MCU: variants seen among roughly 807,000 people sequenced by gnomAD.
The protein encoded by MCU is calcium uniporter protein, mitochondrial.
MCU carries 12 observed loss-of-function variants against 45.2 expected under a neutral mutation model. The observed-to-expected ratio is 0.27, with a 90% CI of 0.17 to 0.43. The LOEUF (loss-of-function observed/expected upper bound fraction) is 0.43. Ranked by LOEUF, MCU falls within the 20% of genes least tolerant of loss-of-function variation. MCU has a pLI of 1.00. For missense variants in MCU, 324 were observed against 436.7 expected (o/e 0.74, Z 2.30); for synonymous variants, 160 against 165.1 (o/e 0.97, Z 0.24).
At chr10:72,817,374 C>A (rs1844643584) in intron 1 of MCU, among the ~76,000 whole-genome samples, 1 of 152,116 alleles carries the variant, frequency 6.6e-6, no homozygotes, top group African/African-American at 2.4e-5. Context: ...ATTGACCTTA[C>A]CTCCTTCTTA....
intron 5 of MCU, among the ~76,000 whole-genome samples, chr10:72,870,660 T>C (rs899692600): frequency 2.0e-5 from 3 of 152,252 alleles, no homozygotes; most frequent in Admixed American, 6.5e-5. Context: ...TCGCTCTGAA[T>C]TGAGCTGCTT....
At chr10:72,881,428 C>T (rs1476155177) in intron 6 of MCU, among the ~76,000 whole-genome samples, 1 of 152,058 alleles carries the variant, frequency 6.6e-6, no homozygotes, top group Non-Finnish European at 1.5e-5. Context: ...GTGGTGTATG[C>T]CTGTAATCAC....
intron 1 of MCU, among the ~76,000 whole-genome samples, chr10:72,717,938 T>TC (rs766342432): frequency 1.2e-4 from 19 of 152,174 alleles, no homozygotes; most frequent in Non-Finnish European, 2.1e-4. Flanking sequence ...TTACACAGAA[T>TC]CCCCATATAT....
intron 1 of MCU, among the ~76,000 whole-genome samples, chr10:72,726,491 C>T (rs1843103659): frequency 6.6e-6 from 1 of 152,044 alleles, no homozygotes; most frequent in East Asian, 1.9e-4. Flanking sequence ...TACTGGTGGA[C>T]ATTCACTTTG....
intron 1 of MCU, among the ~76,000 whole-genome samples, chr10:72,805,989 G>A: frequency 6.6e-6 from 1 of 152,086 alleles, no homozygotes; most frequent in East Asian, 1.9e-4. Flanking sequence ...GAATGACCTG[G>A]GGGATCTTTC....
At chr10:72,862,655 T>G (rs557459282) in intron 4 of MCU, among the ~76,000 whole-genome samples, 62 of 152,284 alleles carry the variant, frequency 4.1e-4, no homozygotes, top group Admixed American at 1.0e-3. Flanking sequence ...CTCACTGGCC[T>G]CCTCCTGTGC....
At chr10:72,819,134 A>G (rs1205734003) in intron 1 of MCU, among the ~76,000 whole-genome samples, 1 of 152,178 alleles carries the variant, frequency 6.6e-6, no homozygotes, top group Non-Finnish European at 1.5e-5. Context: ...ATTTACCAAC[A>G]TCTCTAAAAA....
chr10:72,758,827 G>A (rs886673011), intron 1 of MCU, among the ~76,000 whole-genome samples: 8 of 151,914 alleles, frequency 5.3e-5, no homozygotes, highest in African/African-American at 7.3e-5. Flanking sequence ...TCTCTTTTCC[G>A]TAATATTACT....
At chr10:72,720,144 G>A (rs1379121375) in intron 1 of MCU, among the ~76,000 whole-genome samples, 1 of 152,136 alleles carries the variant, frequency 6.6e-6, no homozygotes, top group Non-Finnish European at 1.5e-5. Context: ...GGGATTACAG[G>A]CATGAGTCAC....
chr10:72,801,290 G>A lies in MCU; in HGVS notation c.151-33069G>A, dbSNP rs547182137. Among the ~76,000 whole-genome samples the A allele has an allele frequency of 3.3e-5, 5 of 151,760 alleles. No individual in the cohort carries two copies. In the South Asian group the frequency reaches 1.0e-3, roughly 32 times the overall value. ...ATTTGGTTAAAGTGCTGTAGAAATG[G>A]AGGTGATGAGAGGTTCTCATTGATT... On this transcript the variant is annotated intron_variant, in intron 1 of 7. Transcript: ENST00000373053.
intron 1 of MCU, among the ~76,000 whole-genome samples, chr10:72,694,249 T>A (rs1227075028): frequency 6.6e-6 from 1 of 152,214 alleles, no homozygotes; most frequent in Non-Finnish European, 1.5e-5. Flanking sequence ...TCTGAAGCCA[T>A]CATGTATACA....
chr10:72,831,090 A>G (rs1012952743), intron 1 of MCU, among the ~76,000 whole-genome samples: 5 of 152,252 alleles, frequency 3.3e-5, no homozygotes, highest in Non-Finnish European at 5.9e-5. Context: ...CCATTGATCT[A>G]TAGCATTAAG....
At chr10:72,816,483 TTAAGAC>T (rs1844628607) in intron 1 of MCU, among the ~76,000 whole-genome samples, 1 of 152,188 alleles carries the variant, frequency 6.6e-6, no homozygotes, top group Admixed American at 6.5e-5. Flanking sequence ...ACAACAGTGA[TTAAGAC>T]TAAGACATCA....
intron 1 of MCU, among the ~76,000 whole-genome samples, chr10:72,754,978 G>T (rs1843554274): frequency 6.6e-6 from 1 of 152,064 alleles, no homozygotes; most frequent in Admixed American, 6.6e-5. Flanking sequence ...GTTTTTATGT[G>T]GCTCAAGATT....
At chr10:72,812,986 G>T (rs536206153) in intron 1 of MCU, among the ~76,000 whole-genome samples, 1 of 152,228 alleles carries the variant, frequency 6.6e-6, no homozygotes, top group African/African-American at 2.4e-5. Flanking sequence ...TCTTTTCTAA[G>T]CTGTACTAAA....
At chr10:72,778,729 G>A (rs1157405453) in intron 1 of MCU, among the ~76,000 whole-genome samples, 1 of 152,044 alleles carries the variant, frequency 6.6e-6, no homozygotes, top group Non-Finnish European at 1.5e-5. Context: ...TTGAATATTT[G>A]ACTAACTGGT....
chr10:72,819,367 T>G (rs1392877367), intron 1 of MCU, among the ~76,000 whole-genome samples: 2 of 152,204 alleles, frequency 1.3e-5, no homozygotes, highest in African/African-American at 2.4e-5. Flanking sequence ...GCCCTTTCAT[T>G]AATTGTTGCT....
At chr10:72,880,039 C>G (rs1821375319) in intron 6 of MCU, among the ~76,000 whole-genome samples, 1 of 152,090 alleles carries the variant, frequency 6.6e-6, no homozygotes, top group African/African-American at 2.4e-5. Context: ...CAGAGTGAGA[C>G]TCTGTCTCAA....
At position 72,870,586 on chromosome 10, in the gene MCU, C is replaced by G. The variant is rs547384584; in HGVS notation, c.658-791C>G. Among the ~76,000 whole-genome samples the G allele has an allele frequency of 2.6e-3, 400 of 152,142 alleles. 2 individuals carry two copies. The highest frequency in any genetic ancestry group is 9.3e-3 in the African/African-American group (387 of 41,536). On this transcript the variant is annotated intron_variant, in intron 5 of 7. Coordinates refer to ENST00000373053, the MANE Select transcript of MCU (RefSeq NM_138357.3). Reference sequence around the variant, plus strand: ...CGTGAGCCACCGCGCCCAGCTTTACCTATATTTTCTTATTTAATCTTTGGA... The same window carrying G: ...CGTGAGCCACCGCGCCCAGCTTTACGTATATTTTCTTATTTAATCTTTGGA...
Sources: gnomAD v4.1 joint callset for allele counts (sites outside exome capture counted in the v4.1 genomes callset) on GRCh38, gnomAD v4.1.1 for gene constraint, MANE v1.5 for transcripts, NCBI Gene and HGNC (gene_info 2026-07-23, HGNC 2026-07-21) for gene names.